ANXA10: variants seen among roughly 807,000 people sequenced by gnomAD.
ANXA10 encodes annexin A10.
Under a neutral mutation model 53.5 loss-of-function variants are expected in ANXA10, and 49 were observed. That is an observed-to-expected ratio of 0.92 (90% CI 0.73 to 1.16). ANXA10 has a LOEUF of 1.16. Ranked by LOEUF, ANXA10 falls within the 50% of genes most tolerant of loss-of-function variation. The pLI is 0.00. For synonymous variants in ANXA10, 131 were observed against 128.9 expected (o/e 1.02, Z -0.11); for missense variants, 393 against 394.4 (o/e 1.00, Z 0.03).
At chr4:168,139,921 C>T (rs868055167) in intron 3 of ANXA10, among the ~76,000 whole-genome samples, 7 of 152,086 alleles carry the variant, frequency 4.6e-5, no homozygotes, top group Non-Finnish European at 1.0e-4. Flanking sequence ...ACCCCTGTGG[C>T]GAGCTTTAGG....
In ANXA10 at chr4:168,187,433, A is replaced by G. The variant is rs1372380476; in HGVS notation, c.974A>G (p.Ter325=). The G allele has an allele frequency of 1.3e-6, 2 of 1,581,252 alleles. No individual in the cohort carries two copies. The highest frequency in any genetic ancestry group is 2.3e-5 in the East Asian group (1 of 44,106). ...TGTGCTGGTGATGCTGAGGACTACT[A>G]AAATGAAGAGGACTTGGAGTACTGT... ...AICAGDAEDY[*] is the part of the protein sequence containing the mutation. The change falls in exon 12 of 12, where the codon TAA becomes TGA. Residue 325 remains the stop codon, a stop_retained_variant. Transcript: ENST00000359299.
chr4:168,187,310 C>T (rs528648217), intron 11 of ANXA10, 56 bp from the exon 12 acceptor site: 974 of 1,199,114 alleles, frequency 8.1e-4, no homozygotes, highest in Non-Finnish European at 1.0e-3. Context: ...AATTATGCTT[C>T]CTTTTTAGAA....
At chr4:168,141,554 T>C (rs1236781520) in intron 3 of ANXA10, among the ~76,000 whole-genome samples, 1 of 152,236 alleles carries the variant, frequency 6.6e-6, no homozygotes, top group Non-Finnish European at 1.5e-5. Context: ...CATCCGTGTT[T>C]CCATGCGCTA....
intron 1 of ANXA10, among the ~76,000 whole-genome samples, chr4:168,117,938 C>CA (rs779003202): frequency 0.041 from 4,900 of 118,900 alleles, 75 homozygotes; most frequent in South Asian, 0.046. Context: ...CTCACTCACT[C>CA]CCTCCCTCCC....
intron 1 of ANXA10, among the ~76,000 whole-genome samples, chr4:168,104,452 T>A (rs566643372): frequency 1.3e-4 from 20 of 152,014 alleles, no homozygotes; most frequent in East Asian, 9.6e-4. Context: ...TAGAAAAAAA[T>A]TTGGTAGAAT....
intron 1 of ANXA10, among the ~76,000 whole-genome samples, chr4:168,098,235 C>T (rs10440504): frequency 0.16 from 24,364 of 151,854 alleles, 4,116 homozygotes; most frequent in African/African-American, 0.43. Context: ...ATGGCAAGCA[C>T]TAAGAACGTA....
At chr4:168,115,584 T>G (rs1404657993) in intron 1 of ANXA10, among the ~76,000 whole-genome samples, 2 of 151,852 alleles carry the variant, frequency 1.3e-5, no homozygotes, top group African/African-American at 4.8e-5. Flanking sequence ...AGCTCATCCT[T>G]TTAGAATTTT....
intron 3 of ANXA10, among the ~76,000 whole-genome samples, chr4:168,154,717 C>T (rs1157186813): frequency 1.3e-5 from 2 of 152,130 alleles, no homozygotes; most frequent in African/African-American, 2.4e-5. Context: ...TTGCTATGTT[C>T]ATCACTTTGG....
At position 168,164,091 on chromosome 4, in the gene ANXA10, C is replaced by A. The variant is rs183265874; in HGVS notation, c.310-107C>A. 4 of 803,494 alleles carry A rather than the reference C, an allele frequency of 5.0e-6. No homozygotes were observed. The Admixed American group carries it at 1.1e-4, about 21-fold the overall frequency. 49.8% of individuals were successfully genotyped at this position (803,494 alleles called of 1,614,324 possible). A position where few individuals can be genotyped will look rare whatever the true frequency, so the allele number is the denominator to read the frequency against. ...CATCCTAAACCACTTCCTTTCCCTG[C>A]CACCTCTCAAAACACTGGAAATGCT... On this transcript the variant is annotated intron_variant, in intron 4 of 11. Transcript: ENST00000359299.
At chr4:168,183,009 G>GAAAAAAAAAAA (rs747151480) in intron 10 of ANXA10, among the ~76,000 whole-genome samples, 2 of 93,364 alleles carry the variant, frequency 2.1e-5, no homozygotes, top group African/African-American at 3.6e-5. Context: ...CACCGTCTCG[G>GAAAAAAAAAAA]AAAAAAAAAA....
rs139578233 is a variant in ANXA10 at position 168,177,977 on chromosome 4, C to T, written c.622C>T (p.Arg208Trp). 3.0e-5 allele frequency: 48 copies of T among 1,613,110 alleles called. No homozygotes were observed. The highest frequency in any genetic ancestry group is 2.3e-4 in the African/African-American group (17 of 74,890). The change falls in exon 8 of 12, where the codon CGG becomes TGG. Residue 208 changes from arginine (R) to tryptophan (W), a missense_variant. Coordinates refer to ENST00000359299, the MANE Select transcript of ANXA10 (RefSeq NM_007193.5). ...ILCNKSYQQL[R>W]LVFQEFQNIS... Reference sequence around the variant, plus strand: ...GTGCAACAAGAGCTACCAGCAGCTGCGGCTGGGTAATTATTAACTGGGTTT... The same window carrying T: ...GTGCAACAAGAGCTACCAGCAGCTGTGGCTGGGTAATTATTAACTGGGTTT...
chr4:168,184,724 C>A (rs1337279842), intron 11 of ANXA10, 43 bp downstream of exon 11: 2 of 1,600,960 alleles, frequency 1.2e-6, no homozygotes, highest in Non-Finnish European at 1.7e-6. Flanking sequence ...ACATTTTCTC[C>A]TTTTTGAAAC....
intron 1 of ANXA10, among the ~76,000 whole-genome samples, chr4:168,093,036 A>T (rs1730484638): frequency 6.6e-6 from 1 of 151,642 alleles, no homozygotes; most frequent in African/African-American, 2.4e-5. Flanking sequence ...CCATTTAATT[A>T]GTGGGTCTTC....
chr4:168,147,894 G>A (rs1205773010), intron 3 of ANXA10, among the ~76,000 whole-genome samples: 5 of 152,196 alleles, frequency 3.3e-5, no homozygotes, highest in African/African-American at 1.2e-4. Flanking sequence ...TTGGGGTAGA[G>A]GGAAGGAAAA....
At chr4:168,100,355 T>A (rs1730619864) in intron 1 of ANXA10, among the ~76,000 whole-genome samples, 2 of 152,256 alleles carry the variant, frequency 1.3e-5, no homozygotes, top group South Asian at 4.1e-4. Flanking sequence ...ATCATGAAAT[T>A]GTACTTCCCT....
intron 1 of ANXA10, among the ~76,000 whole-genome samples, chr4:168,094,507 G>T (rs1031479929): frequency 1.6e-4 from 25 of 152,090 alleles, no homozygotes; most frequent in African/African-American, 5.8e-4. Context: ...CTCTTTAATC[G>T]GATGTTCTCA....
At position 168,186,103 on chromosome 4, in the gene ANXA10, C is replaced by T. The variant is rs1187647863; in HGVS notation, c.907-1263C>T. ...ACTTATTATAATTAATCACAACCGACTCAAAGTCTGCTAATATGAAAATGT... is the reference window on the plus strand; with the variant it reads ...ACTTATTATAATTAATCACAACCGATTCAAAGTCTGCTAATATGAAAATGT... On this transcript the variant is annotated intron_variant, in intron 11 of 11. Coordinates refer to ENST00000359299, the MANE Select transcript of ANXA10 (RefSeq NM_007193.5). 7.2e-5 allele frequency among the ~76,000 whole-genome samples: 11 copies of T among 152,198 alleles called. 1 individual carries two copies. The highest frequency in any genetic ancestry group is 6.5e-4 in the Admixed American group (10 of 15,274).
intron 1 of ANXA10, among the ~76,000 whole-genome samples, chr4:168,122,298 G>A (rs112365396): frequency 0.01 from 1,543 of 152,304 alleles, 10 homozygotes; most frequent in South Asian, 0.019. Context: ...AGAGGATGGA[G>A]AGGAAGTTTC....
intron 3 of ANXA10, among the ~76,000 whole-genome samples, chr4:168,156,325 A>T (rs186995140): frequency 4.9e-4 from 9 of 18,336 alleles, no homozygotes; most frequent in African/African-American, 1.3e-3. Flanking sequence ...TATAATATAT[A>T]ATATATTATA....
Sources: gnomAD v4.1 joint callset for allele counts (sites outside exome capture counted in the v4.1 genomes callset) on GRCh38, gnomAD v4.1.1 for gene constraint, MANE v1.5 for transcripts, NCBI Gene and HGNC (gene_info 2026-07-23, HGNC 2026-07-21) for gene names.